Variants in NPHP4 observed in about 807,000 individuals in gnomAD.
NPHP4 encodes the protein nephrocystin 4.
In NPHP4, 151 loss-of-function variants were observed where a neutral mutation model predicts 155.8. That is an observed-to-expected ratio of 0.97 (90% CI 0.85 to 1.11). The LOEUF is 1.11. Ranked by LOEUF, NPHP4 falls within the 50% of genes least tolerant of loss-of-function variation. The pLI, the probability that NPHP4 is intolerant of heterozygous loss-of-function variation, is 0.00. For missense variants in NPHP4, 1,956 were observed against 1,925.7 expected, an observed-to-expected ratio of 1.02 and a Z score of -0.29; for synonymous variants, 845 against 816.8, an observed-to-expected ratio of 1.03 and a Z score of -0.59.
intron 10 of NPHP4, among the ~76,000 whole-genome samples, chr1:5,930,832 T>C (rs1350849854): frequency 1.3e-5 from 2 of 152,226 alleles, no homozygotes; most frequent in Non-Finnish European, 2.9e-5. Flanking sequence ...GCTGATGGAA[T>C]AGCTAGTTGT....
chr1:5,893,706 G>A (rs749000107), intron 16 of NPHP4, among the ~76,000 whole-genome samples: 5 of 152,200 alleles, frequency 3.3e-5, no homozygotes, highest in Non-Finnish European at 7.3e-5. Context: ...TGGAGGAGCA[G>A]AGTCTTCTCT....
chr1:5,927,817 C>T (rs1459313529), intron 10 of NPHP4, 30 bp from the exon 11 acceptor site: 11 of 1,586,070 alleles, frequency 6.9e-6, no homozygotes, highest in African/African-American at 1.3e-5. Flanking sequence ...CAGTGATGGC[C>T]ACTCCCTTCA....
chr1:5,945,468 T>A (rs574188861), intron 9 of NPHP4, among the ~76,000 whole-genome samples: 1 of 152,214 alleles, frequency 6.6e-6, no homozygotes. Context: ...CACAGAACGC[T>A]TGGCACTTCT....
rs976424782 is a variant in NPHP4, at chr1:5,920,480, C to T, written c.1441+7169G>A. 1.4e-4 allele frequency among the ~76,000 whole-genome samples: 21 copies of T among 152,136 alleles called. 1 individual carries two copies. Among genetic ancestry groups the T allele is most frequent in the Non-Finnish European group, 2.9e-5 (2 of 68,038 alleles). On this transcript the variant is annotated intron_variant, in intron 11 of 29. Transcript: ENST00000378156. Reference sequence around the variant, plus strand: ...AATTGAACCAGTAGTTGAAGGGGTACGTACATGTGGTCGCTTCCCTCAACG... The same window carrying T: ...AATTGAACCAGTAGTTGAAGGGGTATGTACATGTGGTCGCTTCCCTCAACG...
At chr1:5,874,832 C>A (rs1222172655) in intron 21 of NPHP4, 42 bp downstream of exon 21, 3 of 1,591,950 alleles carry the variant, frequency 1.9e-6, no homozygotes, top group Non-Finnish European at 2.6e-6. Context: ...GCACCCGACA[C>A]AGATCTGGGC....
At chr1:5,909,100 C>T in intron 12 of NPHP4, 52 bp downstream of exon 12, 17 of 1,411,920 alleles carry the variant, frequency 1.2e-5, no homozygotes, top group Non-Finnish European at 1.5e-5. Context: ...GGTTTTCTTG[C>T]AAGTAATTGA....
chr1:5,958,979 ACAC>A (rs1649786839), intron 6 of NPHP4, among the ~76,000 whole-genome samples: 2 of 143,972 alleles, frequency 1.4e-5, no homozygotes, highest in Non-Finnish European at 3.0e-5. Context: ...GGCACCCCAA[ACAC>A]AACAGAAAGG....
chr1:5,944,690 C>A lies in NPHP4; in HGVS notation c.1119+2414G>T, dbSNP rs1347702668. ...CACATCGGAAAGTACCAATGACTGG[C>A]CGGGCGCGGTGGTTCACGTCTGGAA... is the stretch of plus-strand genomic sequence containing the variant. On this transcript the variant is annotated intron_variant, in intron 9 of 29. Coordinates refer to ENST00000378156, the MANE Select transcript of NPHP4 (RefSeq NM_015102.5). This position sits in a 1 kb window ranked among gnomAD's most constrained non-coding sequence, Gnocchi z 4.3. Among the ~76,000 whole-genome samples, 1 of 152,210 alleles carries A rather than the reference C, an allele frequency of 6.6e-6. No homozygotes were observed. The highest frequency in any genetic ancestry group is 6.5e-5 in the Admixed American group (1 of 15,286).
At chr1:5,922,971 A>G (rs752696075) in intron 11 of NPHP4, among the ~76,000 whole-genome samples, 1 of 152,236 alleles carries the variant, frequency 6.6e-6, no homozygotes, top group Non-Finnish European at 1.5e-5. Context: ...CACTCCAGCC[A>G]GAGCAACGAA....
At chr1:5,933,025 TG>T in intron 10 of NPHP4, 121 bp downstream of exon 10, 1 of 738,796 alleles carries the variant, frequency 1.4e-6, no homozygotes, top group Middle Eastern at 2.6e-4. Context: ...GGCATACCCA[TG>T]ACATGAAAAA....
At chr1:5,903,587 G>A (rs993661634) in intron 16 of NPHP4, among the ~76,000 whole-genome samples, 3 of 151,890 alleles carry the variant, frequency 2.0e-5, no homozygotes, top group Non-Finnish European at 2.9e-5. Flanking sequence ...CAATCTATTC[G>A]TTTACAATGA....
intron 6 of NPHP4, among the ~76,000 whole-genome samples, chr1:5,957,004 T>C (rs1649367427): frequency 6.6e-6 from 1 of 152,166 alleles, no homozygotes; most frequent in African/African-American, 2.4e-5. Context: ...TTTTACTACC[T>C]GAAATCATTC....
intron 11 of NPHP4, among the ~76,000 whole-genome samples, chr1:5,919,227 A>G (rs1012611380): frequency 6.6e-6 from 1 of 152,258 alleles, no homozygotes; most frequent in African/African-American, 2.4e-5. Flanking sequence ...TTGTAGAAAC[A>G]GAAATCCCAA....
chr1:5,914,846 C>A (rs1341789950), intron 11 of NPHP4, among the ~76,000 whole-genome samples: 1 of 152,116 alleles, frequency 6.6e-6, no homozygotes, highest in East Asian at 1.9e-4. Flanking sequence ...GAAATGTGAA[C>A]GGGGTCGTGA....
chr1:5,989,795 C>G (rs1052149248), intron 1 of NPHP4, among the ~76,000 whole-genome samples: 1 of 152,210 alleles, frequency 6.6e-6, no homozygotes, highest in Non-Finnish European at 1.5e-5. Context: ...CTGCAGGACT[C>G]AGTGCCACAC....
At chr1:5,960,995 T>C (rs1001364091) in intron 6 of NPHP4, among the ~76,000 whole-genome samples, 6 of 152,222 alleles carry the variant, frequency 3.9e-5, no homozygotes, top group African/African-American at 1.4e-4. Flanking sequence ...TAGACTGGAA[T>C]ATCATCCAGC....
Position 5,986,109 on chromosome 1 carries a change from C to T in NPHP4, c.135+46G>A, listed in dbSNP as rs374417659. 133 of 1,607,938 alleles carry T rather than the reference C, an allele frequency of 8.3e-5. No homozygotes were observed. The African/African-American group carries it at 1.5e-3, about 18-fold the overall frequency. ...CATCTGTTAACTGGAAGCCTCATGT[C>T]AGCTAAGAGCAATAACACGCATTTG... On this transcript the variant is annotated intron_variant, in intron 2 of 29. Transcript: ENST00000378156.
chr1:5,868,795 C>T (rs866559061), intron 23 of NPHP4, among the ~76,000 whole-genome samples: 1 of 145,866 alleles, frequency 6.9e-6, no homozygotes, highest in African/African-American at 2.6e-5. Flanking sequence ...ACACAATGCA[C>T]ACATACATGC....
At chr1:5,960,578 G>T (rs1462758091) in intron 6 of NPHP4, among the ~76,000 whole-genome samples, 1 of 152,004 alleles carries the variant, frequency 6.6e-6, no homozygotes, top group Admixed American at 6.6e-5. Context: ...ACCCAGCAGG[G>T]AGTCAGTCAC....
Sources: allele counts gnomAD v4.1 joint callset (sites outside exome capture counted in the v4.1 genomes callset), GRCh38; gene constraint gnomAD v4.1.1; non-coding constraint Gnocchi (gnomAD v3.1); transcripts MANE v1.5; gene names NCBI Gene and HGNC (gene_info 2026-07-23, HGNC 2026-07-21).